PKHD1: variants seen among roughly 807,000 people sequenced by gnomAD.
PKHD1 encodes the protein fibrocystin.
PKHD1 carries 291 observed loss-of-function variants against 412.0 expected under a neutral mutation model. The ratio of observed to expected loss-of-function variants is 0.71; its 90% CI spans 0.64 to 0.78. The LOEUF (loss-of-function observed/expected upper bound fraction) is 0.78. Ranked by LOEUF, PKHD1 falls within the 30% of genes least tolerant of loss-of-function variation. The pLI, the probability that PKHD1 is intolerant of heterozygous loss-of-function variation, is 0.00. For missense variants in PKHD1, 4,825 were observed against 4,950.7 expected (o/e 0.97, Z 0.76); for synonymous variants, 1,777 against 1,821.5 (o/e 0.98, Z 0.62).
chr6:51,779,996 T>C (rs1791708653), intron 53 of PKHD1, among the ~76,000 whole-genome samples: 1 of 151,944 alleles, frequency 6.6e-6, no homozygotes, highest in African/African-American at 2.4e-5. Flanking sequence ...ATTTGTTTTC[T>C]GACTATAGTT....
At chr6:51,638,462 AG>A (rs1768877836) in intron 64 of PKHD1, among the ~76,000 whole-genome samples, 1 of 152,146 alleles carries the variant, frequency 6.6e-6, no homozygotes, top group African/African-American at 2.4e-5. Context: ...CCCATTTGGC[AG>A]GGGGTTGAGG....
intron 35 of PKHD1, among the ~76,000 whole-genome samples, chr6:51,976,791 T>A (rs762072062): frequency 1.3e-5 from 2 of 151,712 alleles, no homozygotes; most frequent in Non-Finnish European, 2.9e-5. Context: ...CTACTAAAAA[T>A]ACAAAAATTA....
At chr6:51,919,099 G>C (rs911405246) in intron 37 of PKHD1, among the ~76,000 whole-genome samples, 6 of 152,152 alleles carry the variant, frequency 3.9e-5, no homozygotes, top group African/African-American at 1.2e-4. Context: ...TCTCATGATA[G>C]TTTCTTTTGC....
intron 64 of PKHD1, among the ~76,000 whole-genome samples, chr6:51,633,258 TAGC>T (rs1193376342): frequency 1.3e-5 from 2 of 152,116 alleles, no homozygotes; most frequent in African/African-American, 2.4e-5. Context: ...TGGGGCAAGA[TAGC>T]ATCCTGTTGA....
At chr6:51,815,146 G>A (rs1470235153) in intron 52 of PKHD1, among the ~76,000 whole-genome samples, 2 of 152,170 alleles carry the variant, frequency 1.3e-5, no homozygotes, top group Non-Finnish European at 2.9e-5. Context: ...TACTTTAGTA[G>A]GGACTGACTA....
intron 35 of PKHD1, among the ~76,000 whole-genome samples, chr6:51,961,864 G>A (rs1792092340): frequency 6.6e-6 from 1 of 152,162 alleles, no homozygotes; most frequent in African/African-American, 2.4e-5. Context: ...TTTTACAGAT[G>A]CTATTTTAGG....
Position 51,802,150 on chromosome 6 carries a change from C to A in PKHD1, c.8303-10777G>T, listed in dbSNP as rs555178816. ...CTATGCTACTGTTCTCTTCATCAGA[C>A]TTCAAAGAAATCAGAGTGGACGACA... On this transcript the variant is annotated intron_variant, in intron 52 of 66. Coordinates refer to ENST00000371117, the MANE Select transcript of PKHD1 (RefSeq NM_138694.4). Among the ~76,000 whole-genome samples the A allele has an allele frequency of 2.7e-4, 41 of 151,958 alleles. No individual in the cohort carries two copies. The South Asian group carries it at 3.7e-3, about 14-fold the overall frequency.
intron 23 of PKHD1, among the ~76,000 whole-genome samples, 155 bp from the exon 24 acceptor site, chr6:52,046,343 A>G (rs933123715): frequency 2.0e-5 from 3 of 152,188 alleles, no homozygotes; most frequent in African/African-American, 7.2e-5. Flanking sequence ...ATCCCCAGCC[A>G]TAATTAAACC....
chr6:51,653,027 T>C (rs1161518488), intron 61 of PKHD1, among the ~76,000 whole-genome samples: 1 of 152,146 alleles, frequency 6.6e-6, no homozygotes, highest in Non-Finnish European at 1.5e-5. Flanking sequence ...CTAAATTAAA[T>C]ATATTATGTT....
At chr6:51,929,740 G>T (rs1333129965) in intron 37 of PKHD1, among the ~76,000 whole-genome samples, 1 of 152,170 alleles carries the variant, frequency 6.6e-6, no homozygotes, top group East Asian at 1.9e-4. Flanking sequence ...TTAGACCACT[G>T]CTTTTATTTA....
chr6:51,866,561 C>T (rs1775093257), intron 48 of PKHD1, among the ~76,000 whole-genome samples: 1 of 152,108 alleles, frequency 6.6e-6, no homozygotes, highest in African/African-American at 2.4e-5. Context: ...TGACAAGTGC[C>T]TCTCCAAGAG....
In PKHD1 at chr6:51,950,982, C is replaced by A. The variant is rs151082225; in HGVS notation, c.5908+8888G>T. Among the ~76,000 whole-genome samples the A allele has an allele frequency of 2.8e-3, 426 of 152,260 alleles. 3 individuals are homozygous for A. The highest frequency in any genetic ancestry group is 9.5e-3 in the African/African-American group (395 of 41,562). On this transcript the variant is annotated intron_variant, in intron 36 of 66. Coordinates refer to ENST00000371117, the MANE Select transcript of PKHD1 (RefSeq NM_138694.4). ...AGAGAATATAAAGACTGTGACTCAG[C>A]TCTTTACTTTTTCTACAAAATATGA... is the stretch of plus-strand genomic sequence containing the variant.
At chr6:51,848,364 T>C (rs1771593788) in intron 49 of PKHD1, among the ~76,000 whole-genome samples, 3 of 152,202 alleles carry the variant, frequency 2.0e-5, no homozygotes. Context: ...CGACAGGCAA[T>C]GATAGGCATG....
intron 59 of PKHD1, among the ~76,000 whole-genome samples, chr6:51,745,615 G>A (rs983001552): frequency 6.6e-6 from 1 of 152,108 alleles, no homozygotes; most frequent in African/African-American, 2.4e-5. Flanking sequence ...GAGGCGGGAG[G>A]ATCACTTGAG....
chr6:52,053,336 G>T, intron 20 of PKHD1, 85 bp from the exon 21 acceptor site: 13 of 1,392,006 alleles, frequency 9.3e-6, no homozygotes, highest in Non-Finnish European at 1.3e-5. Flanking sequence ...CAACCTGGGG[G>T]GCCTGTGAGC....
intron 5 of PKHD1, among the ~76,000 whole-genome samples, chr6:52,077,580 A>C (rs1162174263): frequency 1.3e-5 from 2 of 152,238 alleles, no homozygotes; most frequent in African/African-American, 4.8e-5. Context: ...CTCGGTTGTT[A>C]ATCAACAGCC....
intron 60 of PKHD1, among the ~76,000 whole-genome samples, chr6:51,714,265 G>A (rs1017195104): frequency 6.6e-6 from 1 of 152,150 alleles, no homozygotes; most frequent in Non-Finnish European, 1.5e-5. Context: ...ACCTACTCGG[G>A]AGGCTGAGGC....
chr6:51,902,644 T>A lies in PKHD1; in HGVS notation c.6996+953A>T, dbSNP rs146196781. Among the ~76,000 whole-genome samples, 9 of 152,278 alleles carry A rather than the reference T, an allele frequency of 5.9e-5. No individual in the cohort carries two copies. The East Asian group carries it at 1.7e-3, about 29-fold the overall frequency. ...CTCAGCATAATGACATAGTGGATGC[T>A]GAGAGGAGTTTCCTGAAACAGTGAG... is the stretch of plus-strand genomic sequence containing the variant. On this transcript the variant is annotated intron_variant, in intron 43 of 66. Transcript: ENST00000371117.
At chr6:51,809,610 G>A (rs945957566) in intron 52 of PKHD1, among the ~76,000 whole-genome samples, 1 of 151,810 alleles carries the variant, frequency 6.6e-6, no homozygotes. Context: ...TCCATGTGGG[G>A]GAGAATCTTT....
Sources: allele counts gnomAD v4.1 joint callset (sites outside exome capture counted in the v4.1 genomes callset), GRCh38; gene constraint gnomAD v4.1.1; transcripts MANE v1.5; gene names NCBI Gene and HGNC (gene_info 2026-07-23, HGNC 2026-07-21).